CERS4: variants seen among roughly 807,000 people sequenced by gnomAD.
CERS4 encodes the protein ceramide synthase 4.
In CERS4, 65 loss-of-function variants were observed where a neutral mutation model predicts 51.8. That is an observed-to-expected ratio of 1.26 (90% confidence interval 1.03 to 1.54). The LOEUF (loss-of-function observed/expected upper bound fraction) is 1.54. Ranked by LOEUF, CERS4 falls within the 40% of genes most tolerant of loss-of-function variation. The pLI, the probability that CERS4 is intolerant of heterozygous loss-of-function variation, is 0.00. For synonymous variants in CERS4, 228 were observed against 208.4 expected, an observed-to-expected ratio of 1.09 and a Z score of -0.81; for missense variants, 563 against 500.4, an observed-to-expected ratio of 1.13 and a Z score of -1.19.
intron 2 of CERS4, among the ~76,000 whole-genome samples, chr19:8,229,892 GTT>G (rs1455000075): frequency 6.6e-6 from 1 of 151,806 alleles, no homozygotes. Flanking sequence ...TGCTGTTGTT[GTT>G]GTTTTAATTT....
intron 2 of CERS4, 174 bp from the exon 3 acceptor site, chr19:8,250,902 G>T: frequency 4.9e-6 from 7 of 1,440,824 alleles, no homozygotes; most frequent in South Asian, 3.2e-5. Context: ...GGGACCAGAG[G>T]ACAGTTCCAA....
At chr19:8,242,729 A>G (rs1277970579) in intron 2 of CERS4, among the ~76,000 whole-genome samples, 1 of 152,164 alleles carries the variant, frequency 6.6e-6, no homozygotes, top group Non-Finnish European at 1.5e-5. Flanking sequence ...CTAAATGAGC[A>G]TTCTAGGCAG....
chr19:8,227,291 C>A (rs1599529466), intron 2 of CERS4, among the ~76,000 whole-genome samples: 1 of 151,992 alleles, frequency 6.6e-6, no homozygotes, highest in South Asian at 2.1e-4. Context: ...TAAAAAGTCA[C>A]CCTTAATATA....
rs150020070 is a variant in CERS4, at chr19:8,213,277, A to G, written c.-2+2415A>G. ...GAGCTCAAACGCCTCAGCCTCCTAA[A>G]GTACTGGGATTACAGGCATGAGCCA... On this transcript the variant is annotated intron_variant, in intron 2 of 11. Coordinates refer to ENST00000251363, the MANE Select transcript of CERS4 (RefSeq NM_024552.3). Among the ~76,000 whole-genome samples, 191 of 152,036 alleles carry G rather than the reference A, an allele frequency of 1.3e-3. 1 individual carries two copies. The highest frequency in any genetic ancestry group is 2.9e-3 in the Admixed American group (44 of 15,244).
intron 10 of CERS4, chr19:8,260,967 A>AAC (rs1555781425): frequency 0.018 from 2,671 of 144,844 alleles, 117 homozygotes; most frequent in African/African-American, 0.06. Context: ...AAAAAAAAAA[A>AAC]AAAAAAAAAA....
chr19:8,210,518 C>T lies in CERS4; in HGVS notation c.-158-188C>T, dbSNP rs994164659. ...AGGCTGTTGTGGTTTGCAAAACCTA[C>T]CAGATGGGGGAATGCTCCCATCGAC... is the stretch of plus-strand genomic sequence containing the variant. On this transcript the variant is annotated intron_variant, in intron 1 of 11. Transcript: ENST00000251363. This position sits in a 1 kb window ranked among gnomAD's most constrained non-coding sequence, Gnocchi z 4.2. 6.6e-6 allele frequency among the ~76,000 whole-genome samples: 1 copy of T among 151,958 alleles called. No individual in the cohort carries two copies. The highest frequency in any genetic ancestry group is 2.4e-5 in the African/African-American group (1 of 41,342).
chr19:8,257,060 T>A lies in CERS4; in HGVS notation c.724T>A (p.Ser242Thr). Residue 242 changes from serine to threonine, a missense_variant, in exon 9 of 12, where the codon TCT (serine) becomes ACT (threonine). Physicochemically the swap from Ser to Thr is moderately conservative, Grantham distance 58 (BLOSUM62 1). Transcript: ENST00000251363. ...TCTGGTGCTGCTGTTACACGATTCC[T>A]CTGACTACCTGCTGGAGGTGGGCCC... ...GSLVLLLHDS[S>T]DYLLEACKMV... The A allele has an allele frequency of 1.2e-6, 2 of 1,606,308 alleles. No individual in the cohort carries two copies. Among genetic ancestry groups the A allele is most frequent in the Non-Finnish European group, 1.7e-6 (2 of 1,175,156 alleles).
At chr19:8,249,676 C>T (rs1484630654) in intron 2 of CERS4, among the ~76,000 whole-genome samples, 1 of 146,170 alleles carries the variant, frequency 6.8e-6, no homozygotes, top group African/African-American at 2.6e-5. Flanking sequence ...ACTGCAACCT[C>T]CGCCTCCCGG....
intron 2 of CERS4, among the ~76,000 whole-genome samples, chr19:8,249,414 G>A (rs562163053): frequency 2.0e-5 from 3 of 152,036 alleles, no homozygotes; most frequent in East Asian, 1.9e-4. Context: ...GCTGGGACAC[G>A]CTGGCCGGAG....
intron 2 of CERS4, chr19:8,238,592 C>G: frequency 1.0e-6 from 1 of 985,244 alleles, no homozygotes; most frequent in Non-Finnish European, 1.2e-6. Flanking sequence ...TACTTCCTTC[C>G]CACAGCAGGC....
intron 2 of CERS4, among the ~76,000 whole-genome samples, chr19:8,249,348 G>A (rs1218967348): frequency 1.3e-5 from 2 of 152,152 alleles, no homozygotes; most frequent in Non-Finnish European, 2.9e-5. Context: ...GTGGTAGGCT[G>A]GACCCTTGGC....
rs748908946 is a variant in CERS4, at chr19:8,261,862, C to T, written c.1005+18C>T. The T allele has an allele frequency of 2.8e-5, 45 of 1,613,762 alleles. No homozygotes were observed. Among genetic ancestry groups the T allele is most frequent in the Middle Eastern group, 3.3e-4 (2 of 6,080 alleles). On this transcript the variant is annotated intron_variant, in intron 11 of 11. Transcript: ENST00000251363. The stretch of plus-strand genomic sequence containing the variant: ...AGGGCCAGGTATGGCTGGACCTCCC[C>T]GGGGGCCCCAGCCCTAAGCTCCTCC...
chr19:8,257,238 T>G, intron 9 of CERS4, 161 bp downstream of exon 9: 1 of 749,674 alleles, frequency 1.3e-6, no homozygotes, highest in East Asian at 2.8e-5. Flanking sequence ...TCTTCCAGGC[T>G]GATAAGGCCC....
intron 10 of CERS4, chr19:8,261,347 C>T (rs1490333160): frequency 1.1e-5 from 3 of 284,086 alleles, no homozygotes; most frequent in African/African-American, 4.3e-5. Flanking sequence ...AGTAGGCAGT[C>T]GCCTGCTGAT....
chr19:8,239,338 G>T (rs1968416823), intron 2 of CERS4: 1 of 150,914 alleles, frequency 6.6e-6, no homozygotes, highest in South Asian at 2.1e-4. Context: ...GGCAGAGGTT[G>T]CAGTGAGCCG....
At chr19:8,261,646 G>C (rs202234195) in intron 10 of CERS4, 42 bp from the exon 11 acceptor site, 3 of 1,610,694 alleles carry the variant, frequency 1.9e-6, no homozygotes, top group Admixed American at 1.7e-5. Flanking sequence ...GGGCTACAGC[G>C]GCTGGTCAAA....
rs376365390 is a variant in CERS4 at position 8,247,010 on chromosome 19, A to G, written c.-1-4066A>G. On this transcript the variant is annotated intron_variant, in intron 2 of 11. Coordinates refer to ENST00000251363, the MANE Select transcript of CERS4 (RefSeq NM_024552.3). ...ACAAAACCCCATCTCTACTAAAAATATAAAAATTAGCCAGGCATGGTGGCG... is the reference window on the plus strand; with the variant it reads ...ACAAAACCCCATCTCTACTAAAAATGTAAAAATTAGCCAGGCATGGTGGCG... Among the ~76,000 whole-genome samples the G allele has an allele frequency of 5.9e-5, 9 of 152,272 alleles. No homozygotes were observed. The East Asian group carries it at 1.7e-3, about 29-fold the overall frequency.
At chr19:8,237,192 G>C (rs1312401722) in intron 2 of CERS4, among the ~76,000 whole-genome samples, 5 of 151,966 alleles carry the variant, frequency 3.3e-5, no homozygotes, top group Non-Finnish European at 7.4e-5. Context: ...AGCTCACTCA[G>C]CCTCCAGCTT....
In CERS4 at chr19:8,254,575, C is replaced by T. The variant is rs989383683; in HGVS notation, c.250C>T (p.Leu84=). The T allele has an allele frequency of 6.2e-6, 10 of 1,612,950 alleles. No individual in the cohort carries two copies. In the East Asian group the frequency reaches 2.2e-4, roughly 36 times the overall value. ...TRRQVKPNAT[L]EKHFLTEGHR... ...GAGGCAAGTGAAGCCCAACGCCACG[C>T]TGGAGAAACACTTCCTCACGGAAGG... is the stretch of plus-strand genomic sequence containing the variant. The change falls in exon 4 of 12, where the codon CTG becomes TTG. Residue 84 remains leucine, a synonymous_variant. Coordinates refer to ENST00000251363, the MANE Select transcript of CERS4 (RefSeq NM_024552.3).
Sources: allele counts gnomAD v4.1 joint callset (sites outside exome capture counted in the v4.1 genomes callset), GRCh38; gene constraint gnomAD v4.1.1; non-coding constraint Gnocchi (gnomAD v3.1); transcripts MANE v1.5; gene names NCBI Gene and HGNC (gene_info 2026-07-23, HGNC 2026-07-21).